Variants in CNTN6 observed in about 807,000 individuals in gnomAD.
The protein encoded by CNTN6 is contactin 6.
In CNTN6, 137 loss-of-function variants were observed where a neutral mutation model predicts 122.8. The observed-to-expected ratio is 1.12, with a 90% CI of 0.97 to 1.29. The LOEUF (loss-of-function observed/expected upper bound fraction) is 1.29. CNTN6 is among the 50% of genes most tolerant of loss of function. The pLI is 0.00. For synonymous variants in CNTN6, 570 were observed against 426.0 expected, an observed-to-expected ratio of 1.34 and a Z score of -4.16; for missense variants, 1,634 against 1,223.4, an observed-to-expected ratio of 1.34 and a Z score of -5.01.
At chr3:1,392,070 G>A (rs1447650299) in intron 20 of CNTN6, among the ~76,000 whole-genome samples, 10 of 152,036 alleles carry the variant, frequency 6.6e-5, no homozygotes, top group African/African-American at 2.4e-4. Flanking sequence ...AAGTTCATAT[G>A]GAACCAAAAA....
chr3:1,187,917 G>C (rs1338490926), intron 2 of CNTN6, among the ~76,000 whole-genome samples: 2 of 152,064 alleles, frequency 1.3e-5, no homozygotes, highest in Admixed American at 6.6e-5. Context: ...TCTTTCCTGT[G>C]CACTTCCTGT....
intron 4 of CNTN6, among the ~76,000 whole-genome samples, chr3:1,232,526 A>G (rs921340211): frequency 2.0e-5 from 3 of 152,250 alleles, no homozygotes; most frequent in African/African-American, 7.2e-5. Flanking sequence ...ATTGTTCCAA[A>G]CTCTTTATGT....
At chr3:1,396,604 G>A (rs557168526) in intron 20 of CNTN6, among the ~76,000 whole-genome samples, 1 of 152,212 alleles carries the variant, frequency 6.6e-6, no homozygotes, top group East Asian at 1.9e-4. Flanking sequence ...CCCAGAGGCT[G>A]TCATACATCA....
intron 14 of CNTN6, 110 bp downstream of exon 14, chr3:1,373,065 A>G (rs1709302884): frequency 3.0e-6 from 2 of 658,582 alleles, no homozygotes. Context: ...AGTGAGATGT[A>G]ATCAGATAGA....
chr3:1,402,532 C>G, intron 22 of CNTN6, 46 bp downstream of exon 22: 7 of 1,500,986 alleles, frequency 4.7e-6, no homozygotes, highest in Non-Finnish European at 5.5e-6. Context: ...ACCTAGACAG[C>G]TGCAGCATGA....
chr3:1,341,438 AT>A (rs1425811866), intron 11 of CNTN6, among the ~76,000 whole-genome samples: 3 of 152,096 alleles, frequency 2.0e-5, no homozygotes, highest in African/African-American at 7.2e-5. Context: ...CACTGGATTA[AT>A]TTAGTTAGGC....
chr3:1,344,395 GAAA>G (rs1449638835), intron 11 of CNTN6, among the ~76,000 whole-genome samples: 4 of 152,154 alleles, frequency 2.6e-5, no homozygotes, highest in African/African-American at 7.2e-5. Flanking sequence ...TGGAAGGAAA[GAAA>G]AAGGGATTAA....
At chr3:1,188,173 G>C (rs2093655128) in intron 2 of CNTN6, among the ~76,000 whole-genome samples, 1 of 152,102 alleles carries the variant, frequency 6.6e-6, no homozygotes, top group South Asian at 2.1e-4. Flanking sequence ...CCACCTCAAG[G>C]GTAGAGAGGA....
At chr3:1,272,894 A>G (rs903805213) in intron 4 of CNTN6, among the ~76,000 whole-genome samples, 1 of 152,200 alleles carries the variant, frequency 6.6e-6, no homozygotes, top group Admixed American at 6.5e-5. Flanking sequence ...CAATACTTGT[A>G]TTGCCTGAAC....
chr3:1,169,189 A>G (rs1405199487), intron 2 of CNTN6, among the ~76,000 whole-genome samples: 1 of 152,232 alleles, frequency 6.6e-6, no homozygotes, highest in African/African-American at 2.4e-5. Flanking sequence ...ATCAAAGAGC[A>G]TGCAATTGGC....
chr3:1,307,832 G>T (rs9844560), intron 7 of CNTN6, among the ~76,000 whole-genome samples: 35,239 of 151,962 alleles, frequency 0.23, 6,999 homozygotes, highest in African/African-American at 0.55. Flanking sequence ...AGAACATAAA[G>T]GTAAGGAACA....
chr3:1,394,471 T>G (rs1694728925), intron 20 of CNTN6: 2 of 156,864 alleles, frequency 1.3e-5, no homozygotes, highest in African/African-American at 4.8e-5. Context: ...GGGTTGACAG[T>G]GCCGAGGAAG....
chr3:1,276,594 C>T (rs1260125846), intron 4 of CNTN6, among the ~76,000 whole-genome samples: 1 of 152,154 alleles, frequency 6.6e-6, no homozygotes, highest in Non-Finnish European at 1.5e-5. Flanking sequence ...AACAAAACGT[C>T]CCTACATTTT....
chr3:1,292,228 G>C (rs571972820), intron 5 of CNTN6, among the ~76,000 whole-genome samples: 16 of 152,254 alleles, frequency 1.1e-4, no homozygotes, highest in African/African-American at 2.6e-4. Context: ...GACATTGATA[G>C]AGAGGGTTTT....
intron 7 of CNTN6, among the ~76,000 whole-genome samples, chr3:1,317,492 G>C (rs561126999): frequency 2.6e-5 from 4 of 151,798 alleles, no homozygotes; most frequent in South Asian, 2.1e-4. Flanking sequence ...TTTGTTTTTC[G>C]GGGGGTGGGC....
intron 1 of CNTN6, among the ~76,000 whole-genome samples, chr3:1,123,490 T>C (rs532062251): frequency 6.6e-6 from 1 of 152,122 alleles, no homozygotes; most frequent in East Asian, 1.9e-4. Context: ...TGTCCTTATT[T>C]TTTATTTGTT....
chr3:1,259,008 T>C (rs906534360), intron 4 of CNTN6, among the ~76,000 whole-genome samples: 6 of 152,138 alleles, frequency 3.9e-5, no homozygotes, highest in African/African-American at 1.4e-4. Context: ...CCCATTAATG[T>C]GGCTGTGTTC....
chr3:1,154,452 T>TTTTTTTTTTTG (rs1202524684), intron 2 of CNTN6, among the ~76,000 whole-genome samples: 1,940 of 150,948 alleles, frequency 0.013, 48 homozygotes, highest in African/African-American at 0.045. Context: ...TTCTTTCTTT[T>TTTTTTTTTTTG]TTTTTTTTGA....
chr3:1,330,802 C>T (rs1195508165), intron 11 of CNTN6, among the ~76,000 whole-genome samples: 5 of 151,870 alleles, frequency 3.3e-5, no homozygotes, highest in Non-Finnish European at 7.4e-5. Flanking sequence ...TAAAAAATGA[C>T]AGTTGTTACT....
Sources: allele counts gnomAD v4.1 joint callset (sites outside exome capture counted in the v4.1 genomes callset), GRCh38; gene constraint gnomAD v4.1.1; transcripts MANE v1.5; gene names NCBI Gene and HGNC (gene_info 2026-07-23, HGNC 2026-07-21).